Variants in CDH9 observed in about 807,000 individuals in gnomAD.
CDH9 encodes the protein cadherin 9.
In CDH9, 28 loss-of-function variants were observed where a neutral mutation model predicts 70.9. The observed-to-expected ratio is 0.40, with a 90% CI of 0.29 to 0.54. The LOEUF (loss-of-function observed/expected upper bound fraction) is 0.54, where lower values mean the gene tolerates loss of function less well. Ranked by LOEUF, CDH9 falls within the 20% of genes least tolerant of loss-of-function variation. The pLI is 0.59. For missense variants in CDH9, 874 were observed against 984.4 expected, an observed-to-expected ratio of 0.89 and a Z score of 1.50; for synonymous variants, 409 against 343.1, an observed-to-expected ratio of 1.19 and a Z score of -2.12.
intron 1 of CDH9, among the ~76,000 whole-genome samples, chr5:26,996,392 C>T (rs992664936): frequency 6.6e-6 from 1 of 152,018 alleles, no homozygotes; most frequent in East Asian, 1.9e-4. Context: ...TTTCTCATCA[C>T]CCAATAATTT....
At chr5:26,915,178 G>T (rs72744746) in intron 3 of CDH9, among the ~76,000 whole-genome samples, 8,268 of 152,020 alleles carry the variant, frequency 0.054, 302 homozygotes, top group Middle Eastern at 0.15. Flanking sequence ...GGGATTTAAA[G>T]TTCTATTTCT....
chr5:26,889,601 A>G (rs533322288), intron 9 of CDH9, among the ~76,000 whole-genome samples: 79 of 152,252 alleles, frequency 5.2e-4, no homozygotes, highest in Non-Finnish European at 4.4e-4. Context: ...AACCTAGTAT[A>G]TAAATTAAAA....
intron 3 of CDH9, among the ~76,000 whole-genome samples, chr5:26,908,131 T>G (rs1320914158): frequency 6.6e-6 from 1 of 152,188 alleles, no homozygotes; most frequent in Non-Finnish European, 1.5e-5. Context: ...CTCATTCTCT[T>G]GAGGCCTCTG....
At chr5:27,004,008 TA>T (rs1579507263) in intron 1 of CDH9, among the ~76,000 whole-genome samples, 1 of 149,970 alleles carries the variant, frequency 6.7e-6, no homozygotes, top group African/African-American at 2.5e-5. Flanking sequence ...AAAATTGTTC[TA>T]AAAAATTACG....
At chr5:26,897,928 C>T (rs1262850872) in intron 7 of CDH9, among the ~76,000 whole-genome samples, 3 of 152,188 alleles carry the variant, frequency 2.0e-5, no homozygotes, top group East Asian at 1.9e-4. Flanking sequence ...AAAACCCCAT[C>T]GTCTCAGCCC....
At chr5:26,983,289 C>T (rs981175482) in intron 2 of CDH9, among the ~76,000 whole-genome samples, 4 of 152,084 alleles carry the variant, frequency 2.6e-5, no homozygotes, top group Non-Finnish European at 4.4e-5. Context: ...AGAATACTAA[C>T]GGACAATTTG....
intron 3 of CDH9, among the ~76,000 whole-genome samples, chr5:26,910,224 CATCTATCTATCT>C (rs61512455): frequency 2.5e-4 from 37 of 149,310 alleles, no homozygotes; most frequent in African/African-American, 6.4e-4. Flanking sequence ...ATCTATCATC[CATCTATCTATCT>C]ATCTATCTAT....
intron 2 of CDH9, among the ~76,000 whole-genome samples, chr5:26,942,439 A>G (rs1396083635): frequency 6.6e-6 from 1 of 152,184 alleles, no homozygotes; most frequent in Non-Finnish European, 1.5e-5. Flanking sequence ...TCATGATTTA[A>G]TCCCCTCTTA....
At chr5:26,994,630 A>G (rs1382459512) in intron 1 of CDH9, among the ~76,000 whole-genome samples, 2 of 152,148 alleles carry the variant, frequency 1.3e-5, no homozygotes, top group African/African-American at 4.8e-5. Context: ...TAAACCAGAA[A>G]GAGTGCTGTC....
At chr5:26,975,237 A>G (rs1211226921) in intron 2 of CDH9, among the ~76,000 whole-genome samples, 1 of 152,148 alleles carries the variant, frequency 6.6e-6, no homozygotes, top group Non-Finnish European at 1.5e-5. Flanking sequence ...CTAGACCGGA[A>G]GTGACTAGAA....
chr5:26,932,879 C>T (rs1187989546), intron 2 of CDH9, among the ~76,000 whole-genome samples: 3 of 151,202 alleles, frequency 2.0e-5, no homozygotes, highest in Admixed American at 2.0e-4. Flanking sequence ...TATAATTGAG[C>T]TTTGTCTATG....
At chr5:26,906,574 T>C (rs1375284049) in intron 4 of CDH9, 145 bp downstream of exon 4, 8 of 1,236,824 alleles carry the variant, frequency 6.5e-6, no homozygotes, top group Non-Finnish European at 8.6e-6. Flanking sequence ...AAGTTTGCAT[T>C]TGTTTACATC....
intron 2 of CDH9, among the ~76,000 whole-genome samples, chr5:26,920,812 G>C (rs1741231134): frequency 6.6e-6 from 1 of 152,166 alleles, no homozygotes. Context: ...CTCTTATGCA[G>C]ATATGGCTTC....
chr5:26,896,121 G>A (rs1214967806), intron 7 of CDH9, among the ~76,000 whole-genome samples: 2 of 151,888 alleles, frequency 1.3e-5, no homozygotes, highest in Non-Finnish European at 1.5e-5. Context: ...TGCTACAGGT[G>A]AAATTATAAT....
intron 2 of CDH9, among the ~76,000 whole-genome samples, chr5:26,937,536 G>GAAT (rs1741581324): frequency 6.6e-6 from 1 of 152,092 alleles, no homozygotes. Flanking sequence ...CCTGTTGCAT[G>GAAT]AATATGTATA....
intron 7 of CDH9, 173 bp from the exon 8 acceptor site, chr5:26,890,737 G>A (rs942136743): frequency 1.8e-6 from 1 of 571,020 alleles, no homozygotes. Flanking sequence ...AATTTCATAT[G>A]TTTGACTCTT....
chr5:26,934,536 C>T (rs1338984713), intron 2 of CDH9, among the ~76,000 whole-genome samples: 1 of 152,080 alleles, frequency 6.6e-6, no homozygotes, highest in African/African-American at 2.4e-5. Context: ...AGGGGCTTGC[C>T]TCCTTGATCT....
chr5:26,888,696 C>T (rs756998103), intron 9 of CDH9, among the ~76,000 whole-genome samples: 3 of 152,174 alleles, frequency 2.0e-5, no homozygotes, highest in Admixed American at 6.5e-5. Flanking sequence ...CACTCAATGG[C>T]TTAAACTACA....
chr5:26,923,743 ACT>A (rs1389592459), intron 2 of CDH9, among the ~76,000 whole-genome samples: 1 of 152,122 alleles, frequency 6.6e-6, no homozygotes, highest in African/African-American at 2.4e-5. Context: ...TAAAACTAGA[ACT>A]CAAACACATG....
Sources: gnomAD v4.1 joint callset for allele counts (sites outside exome capture counted in the v4.1 genomes callset) on GRCh38, gnomAD v4.1.1 for gene constraint, MANE v1.5 for transcripts, NCBI Gene and HGNC (gene_info 2026-07-23, HGNC 2026-07-21) for gene names.